The following HSF5 variants were observed in gnomAD, a reference collection of about 807,000 sequenced individuals.
HSF5 encodes the protein heat shock factor protein 5.
Under a neutral mutation model 50.8 loss-of-function variants are expected in HSF5, and 5 were observed. The observed-to-expected ratio is 0.10, with a 90% CI of 0.05 to 0.21. The LOEUF is 0.21. HSF5 is among the 10% of genes least tolerant of loss of function. HSF5 has a pLI of 1.00. For synonymous variants in HSF5, 307 were observed against 307.4 expected, an observed-to-expected ratio of 1.00 and a Z score of 0.02; for missense variants, 564 against 762.6, an observed-to-expected ratio of 0.74 and a Z score of 3.07.
chr17:58,437,867 T>C (rs1285829933), intron 5 of HSF5, among the ~76,000 whole-genome samples: 1 of 152,188 alleles, frequency 6.6e-6, no homozygotes, highest in African/African-American at 2.4e-5. Flanking sequence ...AATAACACTA[T>C]AGCAAACTTA....
At chr17:58,467,219 C>A (rs868387725) in intron 2 of HSF5, among the ~76,000 whole-genome samples, 8 of 152,122 alleles carry the variant, frequency 5.3e-5, no homozygotes, top group African/African-American at 1.9e-4. Flanking sequence ...TAAATCATTT[C>A]TTTAACACCT....
intron 2 of HSF5, chr17:58,476,501 C>A (rs1301162780): frequency 2.6e-6 from 3 of 1,149,530 alleles, no homozygotes; most frequent in Non-Finnish European, 3.9e-6. Flanking sequence ...GAAGATGGAT[C>A]ACCACTCTTA....
At chr17:58,472,310 CA>C (rs35493108) in intron 2 of HSF5, among the ~76,000 whole-genome samples, 2 of 151,192 alleles carry the variant, frequency 1.3e-5, no homozygotes, top group African/African-American at 2.4e-5. Flanking sequence ...GTACCCCCCC[CA>C]AAAAAAGTGT....
intron 5 of HSF5, among the ~76,000 whole-genome samples, chr17:58,439,645 C>T (rs1318907872): frequency 1.3e-5 from 2 of 152,150 alleles, no homozygotes; most frequent in African/African-American, 4.8e-5. Flanking sequence ...CCACCATGCC[C>T]AGCTAATTCT....
At chr17:58,423,919 A>G (rs1209870601) in intron 5 of HSF5, among the ~76,000 whole-genome samples, 1 of 152,252 alleles carries the variant, frequency 6.6e-6, no homozygotes, top group Non-Finnish European at 1.5e-5. Flanking sequence ...CAGCCTCTAC[A>G]GGATTGATCC....
In HSF5 at chr17:58,420,315, C is replaced by T. The variant is rs559269173; in HGVS notation, c.*2045G>A. Reference sequence around the variant, plus strand: ...AATTCACAGGAAGACTTTATTATACCTCTTGCCATTTTGCCCAAGTCATTA... The same window carrying T: ...AATTCACAGGAAGACTTTATTATACTTCTTGCCATTTTGCCCAAGTCATTA... On this transcript the variant is annotated 3_prime_UTR_variant, in exon 6 of 6. Coordinates refer to ENST00000323777, the MANE Select transcript of HSF5 (RefSeq NM_001080439.3). 9.2e-5 allele frequency: 14 copies of T among 152,264 alleles called. No homozygotes were observed. Among genetic ancestry groups the T allele is most frequent in the Admixed American group, 7.2e-4 (11 of 15,286 alleles). 9.4% of individuals were successfully genotyped at this position (152,264 alleles called of 1,614,324 possible).
chr17:58,473,314 C>T (rs1299050312), intron 2 of HSF5, among the ~76,000 whole-genome samples: 1 of 151,706 alleles, frequency 6.6e-6, no homozygotes, highest in Non-Finnish European at 1.5e-5. Context: ...ATTTACTAAC[C>T]ATTGCCTTGA....
chr17:58,460,224 G>T lies in HSF5; in HGVS notation c.1543-1279C>A, dbSNP rs190813491. Among the ~76,000 whole-genome samples, 3 of 152,022 alleles carry T rather than the reference G, an allele frequency of 2.0e-5. No individual in the cohort carries two copies. In the East Asian group the frequency reaches 5.8e-4, roughly 29 times the overall value. ...TGTAGGGATAGACTCTCACTATGTT[G>T]CCCAGACCAGTCTGGACTTCCTGGG... On this transcript the variant is annotated intron_variant, in intron 4 of 5. Coordinates refer to ENST00000323777, the MANE Select transcript of HSF5 (RefSeq NM_001080439.3).
At chr17:58,454,179 A>G (rs765856302) in intron 5 of HSF5, among the ~76,000 whole-genome samples, 1 of 152,098 alleles carries the variant, frequency 6.6e-6, no homozygotes, top group Non-Finnish European at 1.5e-5. Context: ...GACCCTGCCA[A>G]ATCCCCCTCT....
intron 2 of HSF5, among the ~76,000 whole-genome samples, chr17:58,470,979 A>T (rs1187645650): frequency 1.3e-5 from 2 of 152,130 alleles, no homozygotes; most frequent in Non-Finnish European, 2.9e-5. Context: ...CTTATATGAG[A>T]TATTTAGAAT....
intron 2 of HSF5, among the ~76,000 whole-genome samples, chr17:58,472,713 C>G (rs932458021): frequency 1.3e-5 from 2 of 152,096 alleles, no homozygotes; most frequent in African/African-American, 4.8e-5. Flanking sequence ...TCATTCCATT[C>G]AATAAATTAT....
intron 1 of HSF5, among the ~76,000 whole-genome samples, chr17:58,484,883 T>C (rs954856438): frequency 3.3e-5 from 5 of 152,020 alleles, no homozygotes; most frequent in African/African-American, 1.2e-4. Context: ...GAAGGTTAAG[T>C]TGAACATAGT....
chr17:58,428,576 A>G (rs1199553240), intron 5 of HSF5, among the ~76,000 whole-genome samples: 1 of 151,990 alleles, frequency 6.6e-6, no homozygotes, highest in Non-Finnish European at 1.5e-5. Flanking sequence ...GGAGAATGGC[A>G]TGAACCCAGG....
intron 5 of HSF5, among the ~76,000 whole-genome samples, chr17:58,457,210 A>G (rs1445926243): frequency 6.6e-6 from 1 of 151,998 alleles, no homozygotes; most frequent in Non-Finnish European, 1.5e-5. Context: ...CAGTGAGCCA[A>G]GATCACGCCA....
intron 1 of HSF5, among the ~76,000 whole-genome samples, 164 bp downstream of exon 1, chr17:58,487,561 G>A (rs535805942): frequency 1.1e-4 from 16 of 152,354 alleles, no homozygotes; most frequent in African/African-American, 3.6e-4. Flanking sequence ...GAACGGCGGC[G>A]GTGGCGGGAC....
At chr17:58,472,332 T>C (rs1038648444) in intron 2 of HSF5, among the ~76,000 whole-genome samples, 3 of 151,992 alleles carry the variant, frequency 2.0e-5, no homozygotes, top group Admixed American at 2.0e-4. Flanking sequence ...TTTAATTAGC[T>C]GGGCATGGTG....
At chr17:58,472,017 C>T (rs947774428) in intron 2 of HSF5, among the ~76,000 whole-genome samples, 2 of 152,048 alleles carry the variant, frequency 1.3e-5, no homozygotes, top group Non-Finnish European at 2.9e-5. Context: ...CCATGCCTGG[C>T]TAATTTTTTT....
At chr17:58,451,948 T>TAA (rs61125428) in intron 5 of HSF5, among the ~76,000 whole-genome samples, 30,999 of 131,688 alleles carry the variant, frequency 0.24, 4,153 homozygotes, top group South Asian at 0.37. Context: ...AGTTAGACTT[T>TAA]AAAAAAAAAA....
At chr17:58,438,652 C>T (rs1307929834) in intron 5 of HSF5, among the ~76,000 whole-genome samples, 1 of 151,988 alleles carries the variant, frequency 6.6e-6, no homozygotes, top group African/African-American at 2.4e-5. Context: ...TTTCTTGACA[C>T]ATTCAGCAAA....
Sources: gnomAD v4.1 joint callset for allele counts (sites outside exome capture counted in the v4.1 genomes callset) on GRCh38, gnomAD v4.1.1 for gene constraint, MANE v1.5 for transcripts, NCBI Gene and HGNC (gene_info 2026-07-23, HGNC 2026-07-21) for gene names.